The following AUTS2 variants were observed in gnomAD, a reference collection of about 807,000 sequenced individuals.
AUTS2 encodes activator of transcription and developmental regulator AUTS2.
A neutral mutation model predicts 112.4 loss-of-function variants in AUTS2; 17 were observed. The observed-to-expected ratio is 0.15, with a 90% CI of 0.10 to 0.23. The LOEUF (loss-of-function observed/expected upper bound fraction) is 0.23, where lower values mean the gene tolerates loss of function less well. AUTS2 is among the 10% of genes least tolerant of loss of function. The probability of loss-of-function intolerance (pLI) is 1.00; values close to 1 mark genes in which losing one functional copy is unlikely to be tolerated. For missense variants in AUTS2, 1,510 were observed against 1,701.6 expected (o/e 0.89, Z 1.98); for synonymous variants, 751 against 702.7 (o/e 1.07, Z -1.09).
chr7:70,097,098 G>A (rs2129568756), intron 2 of AUTS2, among the ~76,000 whole-genome samples: 1 of 152,284 alleles, frequency 6.6e-6, no homozygotes, highest in South Asian at 2.1e-4. Context: ...TGGACAAGGT[G>A]CTATGGTTCA....
chr7:70,672,381 T>C (rs964236873), intron 5 of AUTS2, among the ~76,000 whole-genome samples: 1 of 152,170 alleles, frequency 6.6e-6, no homozygotes, highest in African/African-American at 2.4e-5. Context: ...TAGTATTTTG[T>C]CACGGAAGCC....
At chr7:69,834,623 A>T (rs1057283362) in intron 1 of AUTS2, among the ~76,000 whole-genome samples, 2 of 152,176 alleles carry the variant, frequency 1.3e-5, no homozygotes, top group Non-Finnish European at 2.9e-5. Context: ...ACCACTGCAG[A>T]ATAATCTCAG....
intron 5 of AUTS2, among the ~76,000 whole-genome samples, chr7:70,445,889 A>ATCCTTT (rs1796299178): frequency 6.6e-6 from 1 of 152,210 alleles, no homozygotes; most frequent in Non-Finnish European, 1.5e-5. Flanking sequence ...AAGTCTCATA[A>ATCCTTT]AGGAGAAGGG....
chr7:69,766,589 C>A (rs564922788), intron 1 of AUTS2, among the ~76,000 whole-genome samples: 1 of 152,300 alleles, frequency 6.6e-6, no homozygotes, highest in East Asian at 1.9e-4. Flanking sequence ...GGGCCTTGGT[C>A]TCCACGCTGC....
At chr7:69,880,200 A>G (rs560768629) in intron 1 of AUTS2, among the ~76,000 whole-genome samples, 3 of 152,250 alleles carry the variant, frequency 2.0e-5, no homozygotes, top group East Asian at 1.9e-4. Context: ...ACACTTTTAA[A>G]CAACTAGATC....
At chr7:70,068,845 T>A (rs1425046600) in intron 2 of AUTS2, among the ~76,000 whole-genome samples, 1 of 152,196 alleles carries the variant, frequency 6.6e-6, no homozygotes, top group Non-Finnish European at 1.5e-5. Context: ...GATCACTTGT[T>A]TTGCCTTGGG....
At chr7:70,005,662 G>A (rs1799515189) in intron 2 of AUTS2, among the ~76,000 whole-genome samples, 1 of 152,078 alleles carries the variant, frequency 6.6e-6, no homozygotes, top group Admixed American at 6.5e-5. Context: ...GATCTTAAAG[G>A]CTGAGCTGGC....
intron 2 of AUTS2, among the ~76,000 whole-genome samples, chr7:69,945,932 G>A (rs372043872): frequency 1.3e-5 from 2 of 152,166 alleles, no homozygotes; most frequent in South Asian, 2.1e-4. Context: ...GACTTCCTGG[G>A]CTCAAGCAAT....
intron 1 of AUTS2, among the ~76,000 whole-genome samples, chr7:69,702,473 C>T (rs949094925): frequency 6.6e-6 from 1 of 152,094 alleles, no homozygotes; most frequent in Non-Finnish European, 1.5e-5. Flanking sequence ...ATCCAGGATA[C>T]TTAGTATATA....
intron 4 of AUTS2, among the ~76,000 whole-genome samples, chr7:70,322,416 G>A (rs906027313): frequency 3.3e-5 from 5 of 152,102 alleles, no homozygotes; most frequent in Non-Finnish European, 7.4e-5. Context: ...AAAGCCCTTG[G>A]ATGTTATACC....
intron 5 of AUTS2, among the ~76,000 whole-genome samples, chr7:70,443,819 G>A (rs1286829754): frequency 6.6e-6 from 1 of 152,192 alleles, no homozygotes; most frequent in Non-Finnish European, 1.5e-5. Flanking sequence ...GTAAGTAGCA[G>A]AGCAGTTCAT....
chr7:70,762,709 C>T (rs1355144695), intron 6 of AUTS2, among the ~76,000 whole-genome samples, 161 bp from the exon 7 acceptor site: 2 of 152,144 alleles, frequency 1.3e-5, no homozygotes, highest in South Asian at 2.1e-4. Context: ...TTGCTGTGGG[C>T]GCATACCCCC....
At chr7:69,887,341 G>C (rs957602105) in intron 1 of AUTS2, among the ~76,000 whole-genome samples, 1 of 151,594 alleles carries the variant, frequency 6.6e-6, no homozygotes, top group African/African-American at 2.4e-5. Flanking sequence ...ATGTGAACCC[G>C]GGAGGTGGAG....
chr7:69,948,297 G>A (rs1399308290), intron 2 of AUTS2, among the ~76,000 whole-genome samples: 1 of 152,112 alleles, frequency 6.6e-6, no homozygotes, highest in Non-Finnish European at 1.5e-5. Flanking sequence ...CACTTCACTG[G>A]ATAGCATTGC....
rs1037482694 is a variant in AUTS2, at chr7:69,747,746, G to A, written c.309+147784G>A. 6.9e-5 allele frequency among the ~76,000 whole-genome samples: 8 copies of A among 115,508 alleles called. No homozygotes were observed. The East Asian group carries it at 9.1e-4, about 13-fold the overall frequency. The allele number at this position is 115,508 out of a possible 152,430, so 75.8% of individuals were successfully genotyped here. On this transcript the variant is annotated intron_variant, in intron 1 of 18. Coordinates refer to ENST00000342771, the MANE Select transcript of AUTS2 (RefSeq NM_015570.4). ...ATTGTGTGTGTGTATGTGTGTGTGTGTATATGTATGTGTGTGACAGACAGA... is the reference window on the plus strand; with the variant it reads ...ATTGTGTGTGTGTATGTGTGTGTGTATATATGTATGTGTGTGACAGACAGA...
At chr7:70,290,422 A>G (rs1416771383) in intron 4 of AUTS2, 1 of 1,540,968 alleles carries the variant, frequency 6.5e-7, no homozygotes, top group African/African-American at 1.4e-5. Flanking sequence ...TGGAAATGAT[A>G]TGAAGAGGGA....
intron 5 of AUTS2, among the ~76,000 whole-genome samples, chr7:70,681,527 T>G (rs56344011): frequency 3.2e-5 from 3 of 93,566 alleles, no homozygotes; most frequent in African/African-American, 1.1e-4. Context: ...ATATATATAT[T>G]TTTTTTTTCT....
At chr7:70,368,024 G>T (rs1354699461) in intron 4 of AUTS2, among the ~76,000 whole-genome samples, 1 of 152,188 alleles carries the variant, frequency 6.6e-6, no homozygotes, top group Non-Finnish European at 1.5e-5. Flanking sequence ...ATGAGAGTGA[G>T]TTGAATATGT....
At chr7:70,351,733 G>A (rs1335302842) in intron 4 of AUTS2, among the ~76,000 whole-genome samples, 1 of 150,840 alleles carries the variant, frequency 6.6e-6, no homozygotes, top group Middle Eastern at 3.2e-3. Flanking sequence ...ACGAAGTCTT[G>A]CTCTGTTGCC....
Sources: gnomAD v4.1 joint callset for allele counts (sites outside exome capture counted in the v4.1 genomes callset) on GRCh38, gnomAD v4.1.1 for gene constraint, MANE v1.5 for transcripts, NCBI Gene and HGNC (gene_info 2026-07-23, HGNC 2026-07-21) for gene names.